The following LBHD1 variants were observed in gnomAD, a reference collection of about 807,000 sequenced individuals.
LBHD1 encodes the protein LBH domain-containing protein 1.
Under a neutral mutation model 31.1 loss-of-function variants are expected in LBHD1, and 28 were observed. The observed-to-expected ratio is 0.90, with a 90% CI of 0.67 to 1.24. The LOEUF is 1.24. Ranked by LOEUF, LBHD1 falls within the 50% of genes most tolerant of loss-of-function variation. The probability of loss-of-function intolerance (pLI) is 0.00; values close to 1 mark genes in which losing one functional copy is unlikely to be tolerated. For missense variants in LBHD1, 350 were observed against 323.0 expected (o/e 1.08, Z -0.64); for synonymous variants, 105 against 116.5 (o/e 0.90, Z 0.63).
At chr11:62,667,145 T>C (rs1944842227) in intron 4 of LBHD1, 1 of 1,326,912 alleles carries the variant, frequency 7.5e-7, no homozygotes, top group African/African-American at 1.5e-5. Context: ...AAGTGAGAAT[T>C]TGAGTCCTGG....
rs1284266424 is a variant in LBHD1 at position 62,672,013 on chromosome 11, C to T, written c.-460G>A. ...GGCGGCCAGGACCCAGCAGCTATTG[C>T]TGGCCACTCTGCAGGAGGCAGCGAC... On this transcript the variant is annotated 5_prime_UTR_variant, in exon 1 of 7. Transcript: ENST00000354588. 6.2e-7 allele frequency: 1 copy of T among 1,613,484 alleles called. No individual in the cohort carries two copies. Among genetic ancestry groups the T allele is most frequent in the African/African-American group, 1.3e-5 (1 of 74,930 alleles).
intron 5 of LBHD1, among the ~76,000 whole-genome samples, chr11:62,664,222 T>A (rs1266237095): frequency 6.6e-6 from 1 of 151,898 alleles, no homozygotes; most frequent in East Asian, 1.9e-4. Context: ...TTTATGCGCC[T>A]ATGTGTGCAC....
At chr11:62,666,161 A>G in intron 4 of LBHD1, 2 of 704,242 alleles carry the variant, frequency 2.8e-6, no homozygotes, top group Non-Finnish European at 4.7e-6. Flanking sequence ...AACCTAGGGC[A>G]ACATAGCGAG....
At chr11:62,664,766 A>G (rs1944748398) in intron 5 of LBHD1, 83 bp downstream of exon 5, 1 of 1,503,984 alleles carries the variant, frequency 6.6e-7, no homozygotes, top group Non-Finnish European at 9.0e-7. Context: ...AGGTGAGCTG[A>G]GAGGTGAAGC....
In LBHD1 at chr11:62,665,952, GAGGTGGGGGCAGAGTGGAGAGGGCA is replaced by G. The variant is rs371249223; in HGVS notation, c.539-1004_539-980del. 2.3e-3 allele frequency: 3,641 copies of G among 1,610,508 alleles called. 11 individuals are homozygous for G. Among genetic ancestry groups the G allele is most frequent in the South Asian group, 7.1e-3 (649 of 91,022 alleles). ...GACGTGCCGCCCCTTTGCGGGTAGG[GAGGTGGGGGCAGAGTGGAGAGGGCA>G]AGGTGGGGGCAGAGTGGGGAGGGTA... is the stretch of plus-strand genomic sequence containing the variant. On this transcript the variant is annotated intron_variant, in intron 4 of 6. Coordinates refer to ENST00000354588, the MANE Select transcript of LBHD1 (RefSeq NM_024099.5).
At chr11:62,665,503 T>C (rs1161862081) in intron 4 of LBHD1, 2 of 1,572,932 alleles carry the variant, frequency 1.3e-6, no homozygotes, top group Non-Finnish European at 1.7e-6. Flanking sequence ...TCTGGCCCCC[T>C]CGGCGTCATG....
At chr11:62,666,259 A>T (rs777589565) in intron 4 of LBHD1, 1 of 891,872 alleles carries the variant, frequency 1.1e-6, no homozygotes, top group South Asian at 1.4e-5. Flanking sequence ...TCAGTGAGCC[A>T]TCATTGTGCT....
At position 62,671,991 on chromosome 11, in the gene LBHD1, G is replaced by C. The variant is rs528259269; in HGVS notation, c.-438C>G. The C allele has an allele frequency of 6.2e-7, 1 of 1,613,936 alleles. No individual in the cohort carries two copies. Among genetic ancestry groups the C allele is most frequent in the South Asian group, 1.1e-5 (1 of 91,074 alleles). On this transcript the variant is annotated 5_prime_UTR_variant, in exon 1 of 7. Transcript: ENST00000354588. The stretch of plus-strand genomic sequence containing the variant: ...AGGACCCAAGGAGCAGGGAGGAGGC[G>C]GCCAGGACCCAGCAGCTATTGCTGG...
chr11:62,665,940 T>G, intron 4 of LBHD1: 1 of 1,611,810 alleles, frequency 6.2e-7, no homozygotes, highest in Non-Finnish European at 8.5e-7. Context: ...GTGCCGCCCC[T>G]TTGCGGGTAG....
intron 1 of LBHD1, 105 bp downstream of exon 1, chr11:62,671,459 G>A (rs542511942): frequency 4.7e-4 from 620 of 1,324,828 alleles, no homozygotes; most frequent in African/African-American, 7.9e-4. Flanking sequence ...ATGAAGACAC[G>A]CACTCTCCCC....
At chr11:62,665,511 A>T (rs776279999) in intron 4 of LBHD1, 1 of 1,571,838 alleles carries the variant, frequency 6.4e-7, no homozygotes, top group African/African-American at 1.3e-5. Flanking sequence ...CCTCGGCGTC[A>T]TGTCTTCGGT....
At chr11:62,669,283 C>G (rs1217512828) in intron 3 of LBHD1, 3 of 548,562 alleles carry the variant, frequency 5.5e-6, no homozygotes, top group African/African-American at 2.1e-5. Context: ...CCAAGACTGG[C>G]CGGCTTGGGA....
rs542125818 is a variant in LBHD1 at position 62,670,115 on chromosome 11, C to A, written c.-10-74G>T. The A allele has an allele frequency of 5.3e-4, 777 of 1,460,630 alleles. 1 individual carries two copies. The highest frequency in any genetic ancestry group is 6.9e-4 in the Non-Finnish European group (746 of 1,085,554). The allele number at this position is 1,460,630 out of a possible 1,614,324, so 90.5% of individuals were successfully genotyped here. A position where few individuals can be genotyped will look rare whatever the true frequency, so the allele number is the denominator to read the frequency against. Reference sequence around the variant, plus strand: ...GCACCCCACAAACTGTTCCTTTAATCTTCTTTGGAGCCTGGCCCCTTAAGC... The same window carrying A: ...GCACCCCACAAACTGTTCCTTTAATATTCTTTGGAGCCTGGCCCCTTAAGC... On this transcript the variant is annotated intron_variant, in intron 1 of 6. Transcript: ENST00000354588.
At chr11:62,665,229 C>T (rs1452549238) in intron 4 of LBHD1, 2 of 777,142 alleles carry the variant, frequency 2.6e-6, no homozygotes, top group Non-Finnish European at 2.2e-6. Context: ...ATCCGCGGGG[C>T]TCCGCCCCGG....
intron 4 of LBHD1, chr11:62,666,788 T>C: frequency 1.2e-6 from 2 of 1,614,088 alleles, no homozygotes; most frequent in Non-Finnish European, 8.5e-7. Context: ...TGTGGCTTCT[T>C]CAGGCTCTTT....
At position 62,664,895 on chromosome 11, in the gene LBHD1, C is replaced by G; in HGVS notation, c.617G>C (p.Cys206Ser). 2 of 1,591,414 alleles carry G rather than the reference C, an allele frequency of 1.3e-6. No homozygotes were observed. The highest frequency in any genetic ancestry group is 2.3e-5 in the South Asian group (2 of 88,102). ...CGCGTGATCAGCCCTTGGTCTATCA[C>G]AGCCCCGACCACCCGGTGCCTCAGA... ...AASEAPGGRG[C>S]DRPRADHAAP... The change falls in exon 5 of 7, where the codon TGT (cysteine) becomes TCT (serine). Residue 206 changes from cysteine (C) to serine (S), a missense_variant. By Grantham distance (112) the Cys-to-Ser change is moderately radical. Coordinates refer to ENST00000354588, the MANE Select transcript of LBHD1 (RefSeq NM_024099.5).
chr11:62,669,721 G>A lies in LBHD1; in HGVS notation c.233C>T (p.Pro78Leu). The change falls in exon 3 of 7, where the codon CCC becomes CTC. Residue 78 changes from proline (P) to leucine (L), a missense_variant. Coordinates refer to ENST00000354588, the MANE Select transcript of LBHD1 (RefSeq NM_024099.5). ...VNEESGDLHL[P>L]HEELLLLTDG... is the part of the protein sequence containing the mutation. ...AGTGAGCAGCAGCAGCTCCTCATGG[G>A]GCAAATGGAGATCCCCACTCTCTTC... is the stretch of plus-strand genomic sequence containing the variant. 6.2e-7 allele frequency: 1 copy of A among 1,614,076 alleles called. No individual in the cohort carries two copies. The highest frequency in any genetic ancestry group is 8.5e-7 in the Non-Finnish European group (1 of 1,180,016).
At position 62,663,247 on chromosome 11, in the gene LBHD1, G is replaced by A. The variant is rs750401579; in HGVS notation, c.750C>T (p.Asp250=). The change falls in exon 6 of 7, where the codon GAC becomes GAT. Residue 250 remains aspartate, a synonymous_variant. Coordinates refer to ENST00000354588, the MANE Select transcript of LBHD1 (RefSeq NM_024099.5). The part of the protein sequence containing the change: ...PADPACPERE[D]SHGSGSPFKA... ...TGTCCCAGCCTCACCTTCCATGGCT[G>A]TCTTCTCTTTCTGGGCAAGCCGGAT... 1 of 1,614,168 alleles carries A rather than the reference G, an allele frequency of 6.2e-7. No homozygotes were observed. The highest frequency in any genetic ancestry group is 8.5e-7 in the Non-Finnish European group (1 of 1,180,026).
rs1221912347 is a variant in LBHD1 at position 62,665,331 on chromosome 11, T to C, written c.539-358A>G. The stretch of plus-strand genomic sequence containing the variant: ...GGAGGCCTTTCGGAGGGTGGTGAGC[T>C]AGTAAGTGTGGTTTTAGCTGTAGTA... On this transcript the variant is annotated intron_variant, in intron 4 of 6. Coordinates refer to ENST00000354588, the MANE Select transcript of LBHD1 (RefSeq NM_024099.5). 1.2e-5 allele frequency: 9 copies of C among 745,408 alleles called. No homozygotes were observed. The Admixed American group carries it at 1.7e-4, about 14-fold the overall frequency. The allele number at this position is 745,408 out of a possible 1,614,324, so 46.2% of individuals were successfully genotyped here.
Sources: gnomAD v4.1 joint callset for allele counts (sites outside exome capture counted in the v4.1 genomes callset) on GRCh38, gnomAD v4.1.1 for gene constraint, MANE v1.5 for transcripts, NCBI Gene and HGNC (gene_info 2026-07-23, HGNC 2026-07-21) for gene names.